The following PTPRG variants were observed in gnomAD, a reference collection of about 807,000 sequenced individuals.
PTPRG encodes the protein protein tyrosine phosphatase receptor type G.
PTPRG carries 102 observed loss-of-function variants against 165.3 expected under a neutral mutation model. The ratio of observed to expected loss-of-function variants is 0.62; its 90% confidence interval spans 0.53 to 0.73. PTPRG has a LOEUF of 0.73. PTPRG is among the 30% of genes least tolerant of loss of function. PTPRG has a pLI of 0.00. For missense variants in PTPRG, 1,866 were observed against 1,861.4 expected (o/e 1.00, Z -0.05); for synonymous variants, 675 against 669.5 (o/e 1.01, Z -0.13).
In PTPRG at chr3:61,731,533, G is replaced by C. The variant is rs138468389; in HGVS notation, c.86-17345G>C. Among the ~76,000 whole-genome samples the C allele has an allele frequency of 7.2e-4, 110 of 152,034 alleles. 1 individual carries two copies. The highest frequency in any genetic ancestry group is 2.6e-3 in the African/African-American group (108 of 41,472). Reference sequence around the variant, plus strand: ...CCAGCTAATTTTTTGTATTTTAGTAGAGACAGGGTTTCACCATGTTGGCCA... The same window carrying C: ...CCAGCTAATTTTTTGTATTTTAGTACAGACAGGGTTTCACCATGTTGGCCA... On this transcript the variant is annotated intron_variant, in intron 1 of 29. Transcript: ENST00000474889.
chr3:61,976,287 T>A (rs2040503554), intron 2 of PTPRG, among the ~76,000 whole-genome samples: 1 of 152,216 alleles, frequency 6.6e-6, no homozygotes, highest in South Asian at 2.1e-4. Flanking sequence ...AGCATTTTTA[T>A]CAAACAGCTT....
At chr3:61,994,103 T>C (rs1263185237) in intron 3 of PTPRG, among the ~76,000 whole-genome samples, 2 of 152,248 alleles carry the variant, frequency 1.3e-5, no homozygotes, top group East Asian at 1.9e-4. Flanking sequence ...CAGTTCCCAT[T>C]TGATTTCATC....
chr3:62,112,952 C>T (rs1319477853), intron 5 of PTPRG, among the ~76,000 whole-genome samples: 1 of 152,144 alleles, frequency 6.6e-6, no homozygotes, highest in Non-Finnish European at 1.5e-5. Context: ...TCTCTTTCAC[C>T]TTTCGGAGCA....
At chr3:62,134,440 G>A (rs748063767) in intron 6 of PTPRG, among the ~76,000 whole-genome samples, 2 of 152,166 alleles carry the variant, frequency 1.3e-5, no homozygotes, top group African/African-American at 2.4e-5. Flanking sequence ...AGTCTGCCTG[G>A]TATGCAGCCC....
chr3:61,591,697 G>A (rs1700573365), intron 1 of PTPRG, among the ~76,000 whole-genome samples: 1 of 152,164 alleles, frequency 6.6e-6, no homozygotes, highest in Non-Finnish European at 1.5e-5. Flanking sequence ...GGTGGTGGAA[G>A]CATGATATGC....
At chr3:61,606,271 C>T (rs888143451) in intron 1 of PTPRG, among the ~76,000 whole-genome samples, 1 of 152,138 alleles carries the variant, frequency 6.6e-6, no homozygotes, top group African/African-American at 2.4e-5. Context: ...TGAAGGATGC[C>T]TGCCTTTGCC....
intron 2 of PTPRG, among the ~76,000 whole-genome samples, chr3:61,761,530 A>G (rs181757680): frequency 6.6e-6 from 1 of 152,314 alleles, no homozygotes; most frequent in East Asian, 1.9e-4. Context: ...GTGAGCTGAG[A>G]TTGTGCCATT....
chr3:61,774,749 G>A (rs1396875187), intron 2 of PTPRG, among the ~76,000 whole-genome samples: 8 of 152,108 alleles, frequency 5.3e-5, no homozygotes, highest in East Asian at 1.9e-4. Context: ...CTTGCCTACC[G>A]GTGTCTCTGC....
intron 1 of PTPRG, among the ~76,000 whole-genome samples, chr3:61,729,684 A>G (rs1457484470): frequency 6.6e-6 from 1 of 152,228 alleles, no homozygotes; most frequent in African/African-American, 2.4e-5. Context: ...ACAATTCACC[A>G]TGCATTTAAA....
At chr3:61,955,062 C>T (rs1289222299) in intron 2 of PTPRG, among the ~76,000 whole-genome samples, 9 of 152,310 alleles carry the variant, frequency 5.9e-5, no homozygotes, top group Admixed American at 5.2e-4. Context: ...ATTAATCTAA[C>T]ATTAACCTCC....
chr3:62,074,641 C>A (rs895786345), intron 4 of PTPRG, among the ~76,000 whole-genome samples: 1 of 152,016 alleles, frequency 6.6e-6, no homozygotes, highest in Admixed American at 6.6e-5. Flanking sequence ...TTGCACCTGG[C>A]CCCAGATCTT....
intron 1 of PTPRG, among the ~76,000 whole-genome samples, chr3:61,642,456 A>G (rs1702093688): frequency 6.6e-6 from 1 of 152,168 alleles, no homozygotes; most frequent in African/African-American, 2.4e-5. Context: ...TGGGAAAGCA[A>G]CTGAAGAGTG....
intron 2 of PTPRG, among the ~76,000 whole-genome samples, chr3:61,845,575 T>G (rs557795655): frequency 1.3e-5 from 2 of 152,220 alleles, no homozygotes; most frequent in African/African-American, 4.8e-5. Flanking sequence ...TTACTTGAGT[T>G]AAACCTCTCA....
chr3:61,840,433 T>C (rs2036591246), intron 2 of PTPRG, among the ~76,000 whole-genome samples: 2 of 152,316 alleles, frequency 1.3e-5, no homozygotes, highest in South Asian at 4.1e-4. Flanking sequence ...ATGCATCTTA[T>C]TGTTTTAGGG....
At chr3:62,196,194 C>A (rs1699958519) in intron 10 of PTPRG, among the ~76,000 whole-genome samples, 1 of 151,718 alleles carries the variant, frequency 6.6e-6, no homozygotes, top group South Asian at 2.1e-4. Flanking sequence ...CAGTTCGAGA[C>A]CAGCCTGGCC....
chr3:61,612,087 C>T (rs186501551), intron 1 of PTPRG, among the ~76,000 whole-genome samples: 5 of 152,190 alleles, frequency 3.3e-5, no homozygotes, highest in East Asian at 3.9e-4. Context: ...GGACAACAGG[C>T]GCCTGCCACC....
At chr3:61,644,093 A>G (rs1201476925) in intron 1 of PTPRG, among the ~76,000 whole-genome samples, 6 of 152,216 alleles carry the variant, frequency 3.9e-5, no homozygotes, top group Non-Finnish European at 8.8e-5. Context: ...ATATTAAGTT[A>G]TTAATAACTA....
At chr3:62,012,635 G>C (rs989180581) in intron 4 of PTPRG, among the ~76,000 whole-genome samples, 18 of 152,128 alleles carry the variant, frequency 1.2e-4, no homozygotes, top group African/African-American at 2.4e-4. Flanking sequence ...AAACAAAGTT[G>C]TGAGTGCATT....
chr3:61,813,438 C>CCAGGGAGG (rs2035652204), intron 2 of PTPRG, among the ~76,000 whole-genome samples: 1 of 148,320 alleles, frequency 6.7e-6, no homozygotes, highest in Non-Finnish European at 1.5e-5. Context: ...ACCACTTGAA[C>CCAGGGAGG]CAGGGAGGCA....
Sources: allele counts gnomAD v4.1 joint callset (sites outside exome capture counted in the v4.1 genomes callset), GRCh38; gene constraint gnomAD v4.1.1; transcripts MANE v1.5; gene names NCBI Gene and HGNC (gene_info 2026-07-23, HGNC 2026-07-21).